Variants in SUGCT observed in about 807,000 individuals in gnomAD.
SUGCT encodes the protein succinyl-CoA:glutarate-CoA transferase.
In SUGCT, 41 loss-of-function variants were observed where a neutral mutation model predicts 55.0. That is an observed-to-expected ratio of 0.74 (90% CI 0.58 to 0.97). SUGCT has a LOEUF of 0.97. SUGCT is among the 50% of genes least tolerant of loss of function. The pLI is 0.00. For synonymous variants in SUGCT, 187 were observed against 200.4 expected (o/e 0.93, Z 0.56); for missense variants, 568 against 547.8 (o/e 1.04, Z -0.37).
chr7:40,797,912 G>C (rs1049270676), intron 13 of SUGCT, among the ~76,000 whole-genome samples: 1 of 152,136 alleles, frequency 6.6e-6, no homozygotes, highest in African/African-American at 2.4e-5. Context: ...TGCTTGTCTT[G>C]CCCTATGGCC....
chr7:40,620,920 A>G (rs1799234893), intron 12 of SUGCT, among the ~76,000 whole-genome samples: 1 of 152,148 alleles, frequency 6.6e-6, no homozygotes, highest in African/African-American at 2.4e-5. Flanking sequence ...GGTGAGTTTT[A>G]ACTTACTTTG....
chr7:40,634,712 T>G (rs576697907), intron 12 of SUGCT, among the ~76,000 whole-genome samples: 1 of 152,326 alleles, frequency 6.6e-6, no homozygotes, highest in Non-Finnish European at 1.5e-5. Context: ...TGGGAAGCAT[T>G]AACACCTAAG....
intron 13 of SUGCT, among the ~76,000 whole-genome samples, chr7:40,786,166 T>C (rs1261412441): frequency 1.3e-5 from 2 of 152,106 alleles, no homozygotes; most frequent in Non-Finnish European, 2.9e-5. Flanking sequence ...CTATGGAAGG[T>C]CAGTAAGTGA....
the SUGCT span, among the ~76,000 whole-genome samples, chr7:40,938,294 C>A: frequency 6.6e-5 from 10 of 151,874 alleles, no homozygotes; most frequent in Non-Finnish European, 1.3e-4. Flanking sequence ...TATCATGTAT[C>A]TTTTGGGTTC....
intron 7 of SUGCT, among the ~76,000 whole-genome samples, chr7:40,271,450 G>A (rs1792008630): frequency 6.6e-6 from 1 of 151,998 alleles, no homozygotes; most frequent in African/African-American, 2.4e-5. Context: ...CTTCATTTTA[G>A]GGGAAAACAT....
chr7:40,500,897 A>G (rs945695749), intron 12 of SUGCT, among the ~76,000 whole-genome samples: 5 of 151,968 alleles, frequency 3.3e-5, no homozygotes, highest in African/African-American at 9.7e-5. Flanking sequence ...ACATACACAT[A>G]CACATACACA....
Position 40,637,339 on chromosome 7 carries a change from G to C in SUGCT, c.1090-112095G>C, listed in dbSNP as rs367569702. Among the ~76,000 whole-genome samples the C allele has an allele frequency of 3.1e-4, 47 of 152,282 alleles. 1 individual carries two copies. The South Asian group carries it at 9.5e-3, about 31-fold the overall frequency. ...CCTAGTGAATAGAAGGTCCTTTGGT[G>C]TCTTGCCACACAAGGCAGCCTCCCC... On this transcript the variant is annotated intron_variant, in intron 12 of 13. Transcript: ENST00000335693.
the SUGCT span, among the ~76,000 whole-genome samples, chr7:40,951,203 G>C: frequency 6.6e-6 from 1 of 151,798 alleles, no homozygotes; most frequent in Non-Finnish European, 1.5e-5. Flanking sequence ...TGTATGTGTC[G>C]AGGAATTTAT....
intron 8 of SUGCT, among the ~76,000 whole-genome samples, chr7:40,299,025 A>G (rs1460266281): frequency 6.6e-6 from 1 of 152,208 alleles, no homozygotes; most frequent in Non-Finnish European, 1.5e-5. Context: ...AAAGGCTTCT[A>G]AAGATGGTAT....
At chr7:40,532,765 A>C (rs1216905465) in intron 12 of SUGCT, among the ~76,000 whole-genome samples, 1 of 152,152 alleles carries the variant, frequency 6.6e-6, no homozygotes. Context: ...CCATTATGTC[A>C]TCCAAACAAT....
rs537005069 is a variant in SUGCT, at chr7:40,321,427, G to A, written c.816+4572G>A. Among the ~76,000 whole-genome samples, 4 of 149,726 alleles carry A rather than the reference G, an allele frequency of 2.7e-5. No individual in the cohort carries two copies. In the East Asian group the frequency reaches 8.0e-4, roughly 30 times the overall value. ...TGACAGAGTCTTGCTCTGTTGCCGA[G>A]GCTGGAGTGTAATGGTGCTGTCTCA... On this transcript the variant is annotated intron_variant, in intron 9 of 13. Transcript: ENST00000335693.
intron 12 of SUGCT, among the ~76,000 whole-genome samples, chr7:40,570,694 C>T (rs1283143030): frequency 6.6e-6 from 1 of 152,126 alleles, no homozygotes; most frequent in Non-Finnish European, 1.5e-5. Context: ...ATTGTAAAAT[C>T]TAAGTCTAGT....
At chr7:40,940,166 G>A in the SUGCT span, among the ~76,000 whole-genome samples, 1 of 152,056 alleles carries the variant, frequency 6.6e-6, no homozygotes, top group African/African-American at 2.4e-5. Context: ...TGTATGCTTT[G>A]TTGAAGATTA....
chr7:40,565,490 CA>C (rs151236200), intron 12 of SUGCT, among the ~76,000 whole-genome samples: 2,094 of 152,268 alleles, frequency 0.014, 15 homozygotes, highest in Middle Eastern at 0.024. Flanking sequence ...TTTGATTCAA[CA>C]AATCTTTATT....
intron 9 of SUGCT, among the ~76,000 whole-genome samples, chr7:40,434,682 C>T (rs1788078009): frequency 6.6e-6 from 1 of 152,062 alleles, no homozygotes; most frequent in African/African-American, 2.4e-5. Context: ...TTTTAGATGC[C>T]TTGAGTTAGG....
chr7:40,318,970 A>C (rs1377689571), intron 9 of SUGCT, among the ~76,000 whole-genome samples: 5 of 152,164 alleles, frequency 3.3e-5, no homozygotes, highest in Admixed American at 2.0e-4. Flanking sequence ...GTATGCCCTC[A>C]ATTATTTCAC....
chr7:40,411,411 G>A (rs1033970784), intron 9 of SUGCT, among the ~76,000 whole-genome samples: 2 of 152,152 alleles, frequency 1.3e-5, no homozygotes, highest in Non-Finnish European at 2.9e-5. Flanking sequence ...CAAACAAAAA[G>A]CCAATGAATT....
At position 40,778,538 on chromosome 7, in the gene SUGCT, T is replaced by G. The variant is rs1478520586; in HGVS notation, c.1153+29041T>G. On this transcript the variant is annotated intron_variant, in intron 13 of 13. Coordinates refer to ENST00000335693, the MANE Select transcript of SUGCT (RefSeq NM_001193313.2). ...TGTTGTCATTGGGTTATTTCATAAT[T>G]TAATTATCTAAGAATGCCCCACGTC... Among the ~76,000 whole-genome samples, 3 of 152,242 alleles carry G rather than the reference T, an allele frequency of 2.0e-5. 1 individual carries two copies. Among genetic ancestry groups the G allele is most frequent in the Admixed American group, 1.3e-4 (2 of 15,288 alleles).
the SUGCT span, among the ~76,000 whole-genome samples, chr7:41,002,384 T>C: frequency 6.6e-6 from 1 of 152,100 alleles, no homozygotes; most frequent in Non-Finnish European, 1.5e-5. Flanking sequence ...TCAGTAAATA[T>C]GGTGGAGAAG....
Sources: gnomAD v4.1 joint callset for allele counts (sites outside exome capture counted in the v4.1 genomes callset) on GRCh38, gnomAD v4.1.1 for gene constraint, MANE v1.5 for transcripts, NCBI Gene and HGNC (gene_info 2026-07-23, HGNC 2026-07-21) for gene names.